The following KHDRBS2 variants were observed in gnomAD, a reference collection of about 807,000 sequenced individuals.
KHDRBS2 encodes the protein KH domain-containing, RNA-binding, signal transduction-associated protein 2.
A neutral mutation model predicts 44.3 loss-of-function variants in KHDRBS2; 26 were observed. That is an observed-to-expected ratio of 0.59 (90% CI 0.43 to 0.81). KHDRBS2 has a LOEUF of 0.81. Among genes scored for constraint, KHDRBS2 ranks in the 40% least tolerant of loss-of-function variants. KHDRBS2 has a pLI of 0.00. For missense variants in KHDRBS2, 476 were observed against 433.1 expected (o/e 1.10, Z -0.88); for synonymous variants, 194 against 151.1 (o/e 1.28, Z -2.08).
In KHDRBS2 at chr6:61,954,882, A is replaced by G. The variant is rs1281790099; in HGVS notation, c.483+23184T>C. The stretch of plus-strand genomic sequence containing the variant: ...TATATACACATACATATGTGTATAT[A>G]TGTATATATACACATACATATGTGT... On this transcript the variant is annotated intron_variant, in intron 4 of 8. Transcript: ENST00000281156. Among the ~76,000 whole-genome samples the G allele has an allele frequency of 3.0e-4, 44 of 144,710 alleles. 3 individuals carry two copies. The highest frequency in any genetic ancestry group is 1.1e-3 in the African/African-American group (44 of 40,240). 94.9% of individuals were successfully genotyped at this position (144,710 alleles called of 152,430 possible). A position where few individuals can be genotyped will look rare whatever the true frequency, so the allele number is the denominator to read the frequency against.
intron 6 of KHDRBS2, among the ~76,000 whole-genome samples, chr6:61,773,411 A>G (rs1446154276): frequency 2.0e-5 from 3 of 151,922 alleles, no homozygotes; most frequent in Non-Finnish European, 4.4e-5. Context: ...GCATTTTTTC[A>G]TGTGTTTTTT....
At chr6:61,916,408 CTG>C (rs1415516146) in intron 4 of KHDRBS2, among the ~76,000 whole-genome samples, 1 of 151,428 alleles carries the variant, frequency 6.6e-6, no homozygotes, top group Non-Finnish European at 1.5e-5. Context: ...TAGAATGTAA[CTG>C]TGGTATATTT....
At chr6:61,567,224 G>GA in the KHDRBS2 span, among the ~76,000 whole-genome samples, 9 of 151,696 alleles carry the variant, frequency 5.9e-5, no homozygotes, top group South Asian at 1.0e-3. Flanking sequence ...CTCAAAGGGG[G>GA]AAAAAAAAGA....
chr6:62,214,997 A>AT (rs397704230), intron 1 of KHDRBS2, among the ~76,000 whole-genome samples: 1 of 151,706 alleles, frequency 6.6e-6, no homozygotes, highest in East Asian at 1.9e-4. Flanking sequence ...AGATAAAAAA[A>AT]TTTAAAATCC....
chr6:62,079,092 T>TA (rs1177824978), intron 2 of KHDRBS2, among the ~76,000 whole-genome samples: 1 of 151,992 alleles, frequency 6.6e-6, no homozygotes, highest in Non-Finnish European at 1.5e-5. Context: ...AATCATGAAC[T>TA]AAGCACAAAC....
chr6:61,592,793 C>G, the KHDRBS2 span, among the ~76,000 whole-genome samples: 1 of 151,584 alleles, frequency 6.6e-6, no homozygotes, highest in East Asian at 1.9e-4. Flanking sequence ...AAGAGATTGG[C>G]GAAGAAAAAC....
At chr6:61,655,221 T>C in the KHDRBS2 span, among the ~76,000 whole-genome samples, 11 of 112,168 alleles carry the variant, frequency 9.8e-5, no homozygotes, top group African/African-American at 3.6e-4. Context: ...AATACATACA[T>C]ACATACACAC....
At chr6:62,106,455 G>A (rs1322906069) in intron 2 of KHDRBS2, among the ~76,000 whole-genome samples, 4 of 152,074 alleles carry the variant, frequency 2.6e-5, no homozygotes, top group Admixed American at 2.6e-4. Flanking sequence ...TTATGAATCT[G>A]GGTGCTCCTG....
rs562340356 is a variant in KHDRBS2 at position 62,216,696 on chromosome 6, CT to C, written c.92-39385del. Among the ~76,000 whole-genome samples the C allele has an allele frequency of 3.5e-3, 490 of 140,074 alleles. 7 individuals are homozygous for C. The highest frequency in any genetic ancestry group is 7.4e-3 in the Middle Eastern group (2 of 272). 91.9% of individuals were successfully genotyped at this position (140,074 alleles called of 152,430 possible). A position where few individuals can be genotyped will look rare whatever the true frequency, so the allele number is the denominator to read the frequency against. On this transcript the variant is annotated intron_variant, in intron 1 of 8. Transcript: ENST00000281156. The stretch of plus-strand genomic sequence containing the variant: ...TAATCTAAACATATTTCTTTCTCCT[CT>C]TTTTTTTTTTTTTGTTTTATTAAGC...
intron 2 of KHDRBS2, among the ~76,000 whole-genome samples, chr6:62,083,762 G>A (rs990059591): frequency 1.3e-5 from 2 of 152,254 alleles, no homozygotes; most frequent in East Asian, 1.9e-4. Context: ...GAACTATCCC[G>A]TTTCAAAAAG....
chr6:62,061,773 C>A (rs1156466163), intron 2 of KHDRBS2, among the ~76,000 whole-genome samples: 1 of 148,120 alleles, frequency 6.8e-6, no homozygotes, highest in Non-Finnish European at 1.5e-5. Context: ...GAGTGTTTTC[C>A]AACTTGGTTC....
intron 2 of KHDRBS2, among the ~76,000 whole-genome samples, chr6:62,149,943 T>C (rs1383437020): frequency 1.3e-5 from 2 of 152,220 alleles, no homozygotes; most frequent in Non-Finnish European, 2.9e-5. Context: ...ACTCCTTTTT[T>C]TTCATGTGTG....
intron 6 of KHDRBS2, among the ~76,000 whole-genome samples, chr6:61,816,376 T>C (rs955658702): frequency 3.3e-5 from 5 of 151,976 alleles, no homozygotes; most frequent in African/African-American, 1.2e-4. Context: ...AGAAGGAAGA[T>C]GCCCGTGTGA....
chr6:61,913,058 T>A (rs559899828), intron 4 of KHDRBS2, among the ~76,000 whole-genome samples: 1 of 151,990 alleles, frequency 6.6e-6, no homozygotes, highest in African/African-American at 2.4e-5. Flanking sequence ...CTATCAAGAG[T>A]CAGAATGCAA....
At chr6:61,974,167 AT>A (rs983757671) in intron 4 of KHDRBS2, among the ~76,000 whole-genome samples, 35 of 152,314 alleles carry the variant, frequency 2.3e-4, no homozygotes, top group Middle Eastern at 3.4e-3. Flanking sequence ...ATTTAGGAAA[AT>A]AAAACAGTGT....
intron 6 of KHDRBS2, among the ~76,000 whole-genome samples, chr6:61,797,557 A>G (rs1472271524): frequency 6.6e-6 from 1 of 152,004 alleles, no homozygotes; most frequent in Non-Finnish European, 1.5e-5. Flanking sequence ...TTCCCCTTCT[A>G]CTGCTGGCCT....
At chr6:61,724,985 C>T (rs1455331583) in intron 7 of KHDRBS2, among the ~76,000 whole-genome samples, 2 of 152,228 alleles carry the variant, frequency 1.3e-5, no homozygotes, top group Admixed American at 6.5e-5. Context: ...CAGAAATCTC[C>T]ACCCCAAAAC....
chr6:61,649,713 A>G, the KHDRBS2 span, among the ~76,000 whole-genome samples: 6 of 152,044 alleles, frequency 3.9e-5, no homozygotes, highest in African/African-American at 1.2e-4. Context: ...CCATCACAAA[A>G]TTCTTTCATT....
At chr6:61,997,749 G>A (rs980721201) in intron 3 of KHDRBS2, among the ~76,000 whole-genome samples, 11 of 152,070 alleles carry the variant, frequency 7.2e-5, no homozygotes, top group Non-Finnish European at 1.5e-4. Context: ...GTTCTCTCAA[G>A]GCCTTGTTCC....
Sources: allele counts gnomAD v4.1 joint callset (sites outside exome capture counted in the v4.1 genomes callset), GRCh38; gene constraint gnomAD v4.1.1; transcripts MANE v1.5; gene names NCBI Gene and HGNC (gene_info 2026-07-23, HGNC 2026-07-21).